TANC2: variants seen among roughly 807,000 people sequenced by gnomAD.
The protein encoded by TANC2 is tetratricopeptide repeat, ankyrin repeat and coiled-coil containing 2, also known as protein TANC2.
In TANC2, 26 loss-of-function variants were observed where a neutral mutation model predicts 210.5. The ratio of observed to expected loss-of-function variants is 0.12; its 90% CI spans 0.09 to 0.17. TANC2 has a LOEUF of 0.17. TANC2 is among the 10% of genes least tolerant of loss of function. The pLI is 1.00. For missense variants in TANC2, 2,129 were observed against 2,608.9 expected (o/e 0.82, Z 4.01); for synonymous variants, 931 against 967.1 (o/e 0.96, Z 0.69).
chr17:63,195,914 C>T (rs2041331447), intron 6 of TANC2, among the ~76,000 whole-genome samples: 1 of 152,176 alleles, frequency 6.6e-6, no homozygotes, highest in South Asian at 2.1e-4. Context: ...GCACGGCTCT[C>T]CAGCTACATT....
At chr17:63,090,824 A>G (rs1315543722) in intron 3 of TANC2, among the ~76,000 whole-genome samples, 3 of 152,220 alleles carry the variant, frequency 2.0e-5, no homozygotes, top group Non-Finnish European at 4.4e-5. Flanking sequence ...AGTCACACCA[A>G]CAGTGTAAAA....
intron 2 of TANC2, among the ~76,000 whole-genome samples, chr17:63,057,921 C>G (rs1241839968): frequency 6.6e-6 from 1 of 151,814 alleles, no homozygotes; most frequent in Non-Finnish European, 1.5e-5. Context: ...TATGGTAGAA[C>G]AGTTTTGTAT....
At chr17:63,044,458 G>A (rs920364002) in intron 2 of TANC2, among the ~76,000 whole-genome samples, 1 of 151,924 alleles carries the variant, frequency 6.6e-6, no homozygotes, top group East Asian at 1.9e-4. Context: ...TTTATGTATT[G>A]TATAGTATTC....
Position 63,197,549 on chromosome 17 carries a change from A to G in TANC2, c.583-3222A>G, listed in dbSNP as rs191778508. 2.2e-3 allele frequency: 329 copies of G among 152,318 alleles called. 1 individual carries two copies. The highest frequency in any genetic ancestry group is 7.5e-3 in the African/African-American group (310 of 41,574). The allele number at this position is 152,318 out of a possible 1,614,324, so 9.4% of individuals were successfully genotyped here. A position where few individuals can be genotyped will look rare whatever the true frequency, so the allele number is the denominator to read the frequency against. On this transcript the variant is annotated intron_variant, in intron 6 of 27. Coordinates refer to ENST00000689528, the Ensembl canonical transcript of TANC2. Reference sequence around the variant, plus strand: ...TAGTGATGATATTCTCAAAATAGTAATGACAGAATCTAATGCAAGTCAGCG... The same window carrying G: ...TAGTGATGATATTCTCAAAATAGTAGTGACAGAATCTAATGCAAGTCAGCG...
chr17:63,000,119 C>G (rs1240375124), intron 1 of TANC2, among the ~76,000 whole-genome samples: 1 of 152,144 alleles, frequency 6.6e-6, no homozygotes, highest in East Asian at 1.9e-4. Flanking sequence ...AAAAAATTAC[C>G]TATTAGATAC....
chr17:63,001,090 CTT>C (rs1218500929), intron 1 of TANC2, among the ~76,000 whole-genome samples: 2 of 151,168 alleles, frequency 1.3e-5, no homozygotes, highest in South Asian at 4.2e-4. Context: ...TTTTTTGACT[CTT>C]AGTAAATTTT....
Position 63,421,168 on chromosome 17 carries a change from G to A in TANC2, c.5438G>A (p.Cys1813Tyr), listed in dbSNP as rs1599096074. 1.2e-6 allele frequency: 2 copies of A among 1,613,952 alleles called. No homozygotes were observed. Among genetic ancestry groups the A allele is most frequent in the African/African-American group, 2.7e-5 (2 of 75,022 alleles). ...CAGTCAGCATCCTATTACCCAGTCT[G>A]TCACTCAAAACTAGATCTGGAGCGC... is the stretch of plus-strand genomic sequence containing the variant. The change falls in exon 28 of 28, where the codon TGT becomes TAT. Residue 1813 changes from cysteine (C) to tyrosine (Y), a missense_variant. Cys to Tyr is a radical substitution (Grantham distance 194). This residue lies in a region of TANC2 where 584 missense variants were observed against 627.3 expected (regional missense o/e 0.93). Transcript: ENST00000689528. This position sits in a 1 kb window ranked among gnomAD's most constrained non-coding sequence, Gnocchi z 6.9.
At chr17:63,276,986 G>A (rs578227451) in intron 9 of TANC2, among the ~76,000 whole-genome samples, 1 of 152,268 alleles carries the variant, frequency 6.6e-6, no homozygotes, top group Admixed American at 6.5e-5. Flanking sequence ...TATTGGAGAT[G>A]GCAAAGACTG....
At chr17:63,018,668 A>G (rs1171912678) in intron 2 of TANC2, among the ~76,000 whole-genome samples, 1 of 152,212 alleles carries the variant, frequency 6.6e-6, no homozygotes, top group Non-Finnish European at 1.5e-5. Flanking sequence ...CCATCACCAC[A>G]AGGATTCCTT....
At chr17:63,302,496 T>C (rs753893232) in intron 9 of TANC2, among the ~76,000 whole-genome samples, 2 of 152,086 alleles carry the variant, frequency 1.3e-5, no homozygotes, top group Non-Finnish European at 2.9e-5. Flanking sequence ...ATAGCTCTTA[T>C]TGTTGAACTG....
At chr17:63,191,046 A>G (rs932020385) in intron 5 of TANC2, among the ~76,000 whole-genome samples, 9 of 152,066 alleles carry the variant, frequency 5.9e-5, no homozygotes, top group African/African-American at 2.2e-4. Flanking sequence ...TTCTCCTGGT[A>G]AATTTTCATT....
At position 63,389,292 on chromosome 17, in the gene TANC2, G is replaced by GT; in HGVS notation, c.2815-13dup. ...TCCTGTTTGTCTAATTATTAGTTCT[G>GT]TTTGTTTATTTCTAGGTCAGCCGAC... On this transcript the variant is annotated splice_polypyrimidine_tract_variant and intron_variant, in intron 16 of 27. Coordinates refer to ENST00000689528, the Ensembl canonical transcript of TANC2. 6.3e-7 allele frequency: 1 copy of GT among 1,595,876 alleles called. No individual in the cohort carries two copies. Among genetic ancestry groups the GT allele is most frequent in the Non-Finnish European group, 8.6e-7 (1 of 1,165,796 alleles).
rs180736177 is a variant in TANC2, at chr17:63,420,747, T to C, written c.5017T>C (p.Tyr1673His). The C allele has an allele frequency of 2.7e-5, 43 of 1,614,004 alleles. 1 individual carries two copies. The Admixed American group carries it at 5.0e-4, about 19-fold the overall frequency. Residue 1673 changes from tyrosine (Y) to histidine (H), a missense_variant, in exon 28 of 28, where the codon TAC becomes CAC. Transcript: ENST00000689528. This position sits in a 1 kb window ranked among gnomAD's most constrained non-coding sequence, Gnocchi z 4.2. ...ATTATCCAAAATGGCCCAGCGGCCCTACCAGATGCCTCAGCTCCCTGTGGC... is the reference window on the plus strand; with the variant it reads ...ATTATCCAAAATGGCCCAGCGGCCCCACCAGATGCCTCAGCTCCCTGTGGC...
chr17:63,395,014 G>A (rs1343527533), intron 17 of TANC2, among the ~76,000 whole-genome samples: 1 of 152,182 alleles, frequency 6.6e-6, no homozygotes, highest in African/African-American at 2.4e-5. Context: ...TCTAACTACC[G>A]CAGGACAAGT....
intron 7 of TANC2, among the ~76,000 whole-genome samples, chr17:63,211,956 T>C (rs1373724603): frequency 1.3e-5 from 2 of 152,192 alleles, no homozygotes; most frequent in African/African-American, 4.8e-5. Context: ...GGTATACATG[T>C]GCCGTGTTGG....
intron 8 of TANC2, among the ~76,000 whole-genome samples, chr17:63,251,342 C>T (rs914976993): frequency 6.6e-6 from 1 of 152,064 alleles, no homozygotes; most frequent in African/African-American, 2.4e-5. Flanking sequence ...TTTGACCAAG[C>T]CTTTTTATCA....
chr17:63,099,612 A>C (rs1331815768), intron 4 of TANC2, among the ~76,000 whole-genome samples: 1 of 152,112 alleles, frequency 6.6e-6, no homozygotes, highest in Non-Finnish European at 1.5e-5. Flanking sequence ...CTAGGTTTTC[A>C]GGAAGTTCCT....
At chr17:63,202,605 G>A (rs2041571997) in intron 7 of TANC2, among the ~76,000 whole-genome samples, 1 of 152,116 alleles carries the variant, frequency 6.6e-6, no homozygotes, top group Non-Finnish European at 1.5e-5. Context: ...CTATGATATT[G>A]CACATGTGAA....
intron 14 of TANC2, among the ~76,000 whole-genome samples, chr17:63,360,640 C>G (rs2046929481): frequency 6.6e-6 from 1 of 152,124 alleles, no homozygotes; most frequent in Admixed American, 6.5e-5. Flanking sequence ...TTCACACAAT[C>G]CAATTATACT....
Sources: gnomAD v4.1 joint callset for allele counts (sites outside exome capture counted in the v4.1 genomes callset) on GRCh38, gnomAD v4.1.1 for gene constraint, gnomAD v4.1.1 regional missense constraint, Gnocchi (gnomAD v3.1) non-coding constraint, MANE v1.5 for transcripts, NCBI Gene and HGNC (gene_info 2026-07-23, HGNC 2026-07-21) for gene names.